The following CDC42EP3 variants were observed in gnomAD, a reference collection of about 807,000 sequenced individuals.
The protein encoded by CDC42EP3 is CDC42 effector protein (Rho GTPase binding) 3.
A neutral mutation model predicts 15.5 loss-of-function variants in CDC42EP3; 4 were observed. That is an observed-to-expected ratio of 0.26 (90% CI 0.13 to 0.59). CDC42EP3 has a LOEUF of 0.59. Among genes scored for constraint, CDC42EP3 ranks in the 20% least tolerant of loss-of-function variants. CDC42EP3 has a pLI of 0.89. For missense variants in CDC42EP3, 309 were observed against 311.2 expected (o/e 0.99, Z 0.05); for synonymous variants, 145 against 130.3 (o/e 1.11, Z -0.77).
chr2:37,667,091 T>C (rs1666272383), intron 1 of CDC42EP3, among the ~76,000 whole-genome samples: 2 of 152,118 alleles, frequency 1.3e-5, no homozygotes, highest in Non-Finnish European at 2.9e-5. Context: ...ATCAAAGCAG[T>C]GGAGGCCAAG....
chr2:37,672,212 C>CTA (rs1246928559), upstream of CDC42EP3: 1 of 152,074 alleles, frequency 6.6e-6, no homozygotes, highest in Non-Finnish European at 1.5e-5. Context: ...GGGGGAGGGT[C>CTA]GCGTTCTGTC....
At chr2:37,658,690 C>T (rs1360658828) in intron 1 of CDC42EP3, among the ~76,000 whole-genome samples, 2 of 152,180 alleles carry the variant, frequency 1.3e-5, no homozygotes, top group Admixed American at 1.3e-4. Flanking sequence ...CAGCACTTCT[C>T]CCCGCCTCCA....
At chr2:37,668,477 G>C (rs75038070) in intron 1 of CDC42EP3, among the ~76,000 whole-genome samples, 1 of 152,158 alleles carries the variant, frequency 6.6e-6, no homozygotes, top group African/African-American at 2.4e-5. Context: ...GAGGTAACTT[G>C]CCCAAAGTCA....
chr2:37,670,533 A>G (rs1860770), intron 1 of CDC42EP3, among the ~76,000 whole-genome samples: 144,912 of 150,814 alleles, frequency 0.96, 69,669 homozygotes, highest in East Asian at 1. Context: ...CTGTCAGCCT[A>G]GGCTGCACTC....
At chr2:37,670,088 T>C (rs912761013) in intron 1 of CDC42EP3, among the ~76,000 whole-genome samples, 5 of 152,164 alleles carry the variant, frequency 3.3e-5, no homozygotes, top group Non-Finnish European at 7.4e-5. Flanking sequence ...ATGAAAGAGC[T>C]TGTGTAAATT....
intron 1 of CDC42EP3, among the ~76,000 whole-genome samples, chr2:37,652,276 G>C (rs1460121893): frequency 6.6e-6 from 1 of 151,768 alleles, no homozygotes; most frequent in Non-Finnish European, 1.5e-5. Context: ...GCATGAGTCA[G>C]GGGAACCCCA....
chr2:37,643,265 G>C lies in CDC42EP3; in HGVS notation c.*2558C>G, dbSNP rs1558333881. The C allele has an allele frequency of 6.6e-6, 1 of 152,226 alleles. No homozygotes were observed. Among genetic ancestry groups the C allele is most frequent in the African/African-American group, 2.4e-5 (1 of 41,438 alleles). 9.4% of individuals were successfully genotyped at this position (152,226 alleles called of 1,614,324 possible). ...ATGGGTCTAAAGTGCCTCTCTGCAG[G>C]AAAGAAAGCCACCACCAGCAGTCCA... On this transcript the variant is annotated 3_prime_UTR_variant, in exon 2 of 2. Coordinates refer to ENST00000295324, the MANE Select transcript of CDC42EP3 (RefSeq NM_006449.5).
intron 1 of CDC42EP3, among the ~76,000 whole-genome samples, chr2:37,651,703 C>T (rs1665684703): frequency 6.6e-6 from 1 of 152,146 alleles, no homozygotes; most frequent in Admixed American, 6.5e-5. Flanking sequence ...GGAGAGGATG[C>T]AGGAGGAGCT....
At chr2:37,665,269 C>T (rs1666215234) in intron 1 of CDC42EP3, among the ~76,000 whole-genome samples, 1 of 152,120 alleles carries the variant, frequency 6.6e-6, no homozygotes, top group Admixed American at 6.5e-5. Context: ...GGAACATCCA[C>T]ACACTTCTCT....
At chr2:37,658,056 T>C (rs1344389108) in intron 1 of CDC42EP3, among the ~76,000 whole-genome samples, 1 of 152,174 alleles carries the variant, frequency 6.6e-6, no homozygotes, top group Non-Finnish European at 1.5e-5. Flanking sequence ...TGAACCCCTG[T>C]CTTAAATGTT....
chr2:37,644,464 G>A lies in CDC42EP3; in HGVS notation c.*1359C>T, dbSNP rs1360734258. 3 of 151,988 alleles carry A rather than the reference G, an allele frequency of 2.0e-5. No homozygotes were observed. Among genetic ancestry groups the A allele is most frequent in the Admixed American group, 6.6e-5 (1 of 15,246 alleles). The allele number at this position is 151,988 out of a possible 1,614,324, so 9.4% of individuals were successfully genotyped here. ...CGGGTAAGTGCTCTCTACTGCCCTC[G>A]TTTTAGCTGCCTTTATCTCGTCTAT... On this transcript the variant is annotated 3_prime_UTR_variant, in exon 2 of 2. Transcript: ENST00000295324.
intron 1 of CDC42EP3, among the ~76,000 whole-genome samples, chr2:37,662,825 A>G (rs927418881): frequency 2.6e-5 from 4 of 152,240 alleles, no homozygotes; most frequent in African/African-American, 9.6e-5. Context: ...GCACAGAGTG[A>G]GCCATGTGCC....
rs192504567 is a variant in CDC42EP3 at position 37,659,613 on chromosome 2, C to T, written c.-236+11813G>A. ...CTCAAAGAAAATTTGACAATACAGT[C>T]CTCTGAATTCAAACTCAGTGACTCT... On this transcript the variant is annotated intron_variant, in intron 1 of 1. Coordinates refer to ENST00000295324, the MANE Select transcript of CDC42EP3 (RefSeq NM_006449.5). 3.3e-5 allele frequency among the ~76,000 whole-genome samples: 5 copies of T among 152,288 alleles called. 1 individual carries two copies. Among genetic ancestry groups the T allele is most frequent in the Middle Eastern group, 3.4e-3 (1 of 294 alleles).
chr2:37,646,284 C>G lies in CDC42EP3; in HGVS notation c.304G>C (p.Val102Leu), dbSNP rs746412819. The G allele has an allele frequency of 2.2e-5, 35 of 1,614,016 alleles. No individual in the cohort carries two copies. The highest frequency in any genetic ancestry group is 2.9e-5 in the Non-Finnish European group (34 of 1,180,030). ...GGGAGGGAGATGGCATTTTTGAGCA[C>G]CGGGGAGGGCGTTTCTGTGAACACA... ...DSVFTETPSP[V>L]LKNAISLPTI... Residue 102 changes from valine (V) to leucine (L), a missense_variant, in exon 2 of 2, where the codon GTG (valine) becomes CTG (leucine). Val to Leu is a conservative substitution (Grantham distance 32). Coordinates refer to ENST00000295324, the MANE Select transcript of CDC42EP3 (RefSeq NM_006449.5).
chr2:37,648,028 CA>C (rs1558336876), intron 1 of CDC42EP3, among the ~76,000 whole-genome samples: 1 of 152,192 alleles, frequency 6.6e-6, no homozygotes. Flanking sequence ...TGTAAGCCCT[CA>C]AGTTTGTGGT....
intron 1 of CDC42EP3, among the ~76,000 whole-genome samples, chr2:37,665,572 A>C (rs983221911): frequency 7.9e-5 from 12 of 152,216 alleles, no homozygotes; most frequent in African/African-American, 2.7e-4. Flanking sequence ...ATGTAGCCTA[A>C]ATGATTATGA....
chr2:37,666,993 A>C (rs1666269505), intron 1 of CDC42EP3, among the ~76,000 whole-genome samples: 1 of 152,110 alleles, frequency 6.6e-6, no homozygotes, highest in Non-Finnish European at 1.5e-5. Flanking sequence ...AGGCTACCTG[A>C]GTTACTTCGG....
At chr2:37,672,397 T>A (rs1404960314), upstream of CDC42EP3, 1 of 152,152 alleles carries the variant, frequency 6.6e-6, no homozygotes, top group African/African-American at 2.4e-5. Context: ...TCAAAAGGAT[T>A]TGCCTAAAGC....
intron 1 of CDC42EP3, among the ~76,000 whole-genome samples, chr2:37,660,725 G>C (rs564683436): frequency 1.3e-5 from 2 of 151,848 alleles, no homozygotes; most frequent in Non-Finnish European, 2.9e-5. Context: ...AGGAAGCTGA[G>C]ACCAAAGGGG....
Sources: allele counts gnomAD v4.1 joint callset (sites outside exome capture counted in the v4.1 genomes callset), GRCh38; gene constraint gnomAD v4.1.1; transcripts MANE v1.5; gene names NCBI Gene and HGNC (gene_info 2026-07-23, HGNC 2026-07-21).